Variants in GFOD1 observed in about 807,000 individuals in gnomAD.
The protein encoded by GFOD1 is glucose-fructose oxidoreductase domain-containing protein 1.
GFOD1 carries 9 observed loss-of-function variants against 25.4 expected under a neutral mutation model. That is an observed-to-expected ratio of 0.35 (90% CI 0.21 to 0.62). GFOD1 has a LOEUF of 0.62. Among genes scored for constraint, GFOD1 ranks in the 20% least tolerant of loss-of-function variants. GFOD1 has a pLI of 0.72. For synonymous variants in GFOD1, 253 were observed against 245.6 expected, an observed-to-expected ratio of 1.03 and a Z score of -0.28; for missense variants, 403 against 556.9, an observed-to-expected ratio of 0.72 and a Z score of 2.78.
chr6:13,483,002 A>C, intron 1 of GFOD1, among the ~76,000 whole-genome samples: 1 of 151,858 alleles, frequency 6.6e-6, no homozygotes, highest in East Asian at 1.9e-4. Context: ...AGACATAAAC[A>C]ACTGGTAATA....
chr6:13,457,832 G>T (rs771706628), intron 1 of GFOD1, among the ~76,000 whole-genome samples: 1 of 152,156 alleles, frequency 6.6e-6, no homozygotes, highest in Non-Finnish European at 1.5e-5. Flanking sequence ...TTCATCATTC[G>T]CTTGACCCGT....
chr6:13,415,518 G>C (rs1249719600), intron 1 of GFOD1, among the ~76,000 whole-genome samples: 1 of 152,152 alleles, frequency 6.6e-6, no homozygotes, highest in African/African-American at 2.4e-5. Context: ...CAGACCTGGG[G>C]GTGGCTGCAG....
intron 1 of GFOD1, among the ~76,000 whole-genome samples, chr6:13,463,352 G>A (rs186342189): frequency 6.6e-6 from 1 of 152,328 alleles, no homozygotes; most frequent in African/African-American, 2.4e-5. Context: ...CATCACAGGA[G>A]CCACAAATTA....
At chr6:13,403,244 GCCT>G (rs1785884074) in intron 1 of GFOD1, among the ~76,000 whole-genome samples, 1 of 152,034 alleles carries the variant, frequency 6.6e-6, no homozygotes, top group South Asian at 2.1e-4. Flanking sequence ...TCCCGCCTCA[GCCT>G]CCTGAGTAGC....
At chr6:13,429,265 G>A (rs1207106766) in intron 1 of GFOD1, among the ~76,000 whole-genome samples, 1 of 152,220 alleles carries the variant, frequency 6.6e-6, no homozygotes, top group Non-Finnish European at 1.5e-5. Flanking sequence ...GGAGGAGCTG[G>A]TCTCCTATGC....
intron 1 of GFOD1, among the ~76,000 whole-genome samples, chr6:13,477,147 G>A (rs534991286): frequency 6.6e-6 from 1 of 151,910 alleles, no homozygotes; most frequent in East Asian, 1.9e-4. Flanking sequence ...AGCTTGCCTA[G>A]CCAGGTGGCC....
chr6:13,385,324 C>G (rs533276689), intron 1 of GFOD1, among the ~76,000 whole-genome samples: 1 of 152,190 alleles, frequency 6.6e-6, no homozygotes, highest in African/African-American at 2.4e-5. Flanking sequence ...TCCTACTAAA[C>G]TGCAAGATGA....
intron 1 of GFOD1, among the ~76,000 whole-genome samples, chr6:13,457,772 T>A (rs1454069465): frequency 1.3e-5 from 2 of 152,226 alleles, no homozygotes; most frequent in Non-Finnish European, 2.9e-5. Flanking sequence ...GGCCTGTTCT[T>A]ACAAGAAAAA....
intron 1 of GFOD1, among the ~76,000 whole-genome samples, chr6:13,395,012 G>A (rs546919322): frequency 1.3e-5 from 2 of 152,028 alleles, no homozygotes; most frequent in Non-Finnish European, 2.9e-5. Flanking sequence ...TGAACTCTTG[G>A]CCTCAAGGAA....
chr6:13,467,009 G>A (rs1379908348), intron 1 of GFOD1, among the ~76,000 whole-genome samples: 2 of 151,854 alleles, frequency 1.3e-5, no homozygotes, highest in African/African-American at 4.8e-5. Flanking sequence ...CCAACAATGA[G>A]CCATGCTACT....
At chr6:13,453,019 G>A (rs889150537) in intron 1 of GFOD1, among the ~76,000 whole-genome samples, 4 of 152,168 alleles carry the variant, frequency 2.6e-5, no homozygotes, top group African/African-American at 9.7e-5. Context: ...CAAACTTTGT[G>A]AACATTCACA....
chr6:13,409,274 TAGAG>T (rs370994502), intron 1 of GFOD1, among the ~76,000 whole-genome samples: 231 of 22,854 alleles, frequency 0.01, 6 homozygotes, highest in African/African-American at 0.014. Flanking sequence ...GAGGGAAAGA[TAGAG>T]AGACAGAGAG....
chr6:13,368,007 T>G (rs1785079984), intron 1 of GFOD1, among the ~76,000 whole-genome samples: 1 of 152,112 alleles, frequency 6.6e-6, no homozygotes, highest in African/African-American at 2.4e-5. Flanking sequence ...GACACTCAAT[T>G]GACAAAATCC....
At chr6:13,383,895 T>G (rs1437918543) in intron 1 of GFOD1, among the ~76,000 whole-genome samples, 2 of 152,234 alleles carry the variant, frequency 1.3e-5, no homozygotes, top group Non-Finnish European at 2.9e-5. Context: ...GGCCTACATT[T>G]ATTTTTTAAC....
In GFOD1 at chr6:13,449,130, A is replaced by C. The variant is rs116640000; in HGVS notation, c.253+37508T>G. ...AGTGAGACACCGTCTCTACAAAAAA[A>C]ACATTTTTAAATTAGCCAGGCATGG... On this transcript the variant is annotated intron_variant, in intron 1 of 1. Transcript: ENST00000379287. Among the ~76,000 whole-genome samples, 763 of 152,290 alleles carry C rather than the reference A, an allele frequency of 5.0e-3. 5 individuals are homozygous for C. Among genetic ancestry groups the C allele is most frequent in the African/African-American group, 0.018 (736 of 41,560 alleles).
chr6:13,467,951 C>A (rs1758406293), intron 1 of GFOD1, among the ~76,000 whole-genome samples: 1 of 152,184 alleles, frequency 6.6e-6, no homozygotes, highest in Non-Finnish European at 1.5e-5. Flanking sequence ...AAAACAAGTA[C>A]CTGCAGCTGG....
intron 1 of GFOD1, among the ~76,000 whole-genome samples, chr6:13,446,848 CA>C (rs1235571880): frequency 6.6e-6 from 1 of 152,226 alleles, no homozygotes; most frequent in Non-Finnish European, 1.5e-5. Context: ...CAACTGGCAG[CA>C]ACAACATCCT....
intron 1 of GFOD1, among the ~76,000 whole-genome samples, chr6:13,468,609 G>A (rs951136456): frequency 5.3e-5 from 8 of 152,180 alleles, no homozygotes; most frequent in African/African-American, 1.4e-4. Flanking sequence ...CAGAGACCTC[G>A]GTTTGGTCCT....
chr6:13,413,456 G>A (rs892304126), intron 1 of GFOD1, among the ~76,000 whole-genome samples: 8 of 152,304 alleles, frequency 5.3e-5, no homozygotes, highest in East Asian at 3.9e-4. Flanking sequence ...GAAGAGGTCC[G>A]ATCCAAGAAA....
Sources: allele counts gnomAD v4.1 joint callset (sites outside exome capture counted in the v4.1 genomes callset), GRCh38; gene constraint gnomAD v4.1.1; transcripts MANE v1.5; gene names NCBI Gene and HGNC (gene_info 2026-07-23, HGNC 2026-07-21).